Variants in FANCI observed in about 807,000 individuals in gnomAD.
FANCI encodes the protein FA complementation group I, also known as Fanconi anemia group I protein.
Under a neutral mutation model 176.1 loss-of-function variants are expected in FANCI, and 156 were observed. That is an observed-to-expected ratio of 0.89 (90% CI 0.78 to 1.01). FANCI has a LOEUF of 1.01. FANCI is among the 50% of genes least tolerant of loss of function. FANCI has a pLI of 0.00. For synonymous variants in FANCI, 613 were observed against 541.7 expected, an observed-to-expected ratio of 1.13 and a Z score of -1.83; for missense variants, 1,678 against 1,534.1, an observed-to-expected ratio of 1.09 and a Z score of -1.57.
chr15:89,275,795 T>C (rs533655081), intron 12 of FANCI, among the ~76,000 whole-genome samples: 1 of 152,234 alleles, frequency 6.6e-6, no homozygotes, highest in Non-Finnish European at 1.5e-5. Context: ...CTTGAAAGCA[T>C]CTCCATGTAT....
At chr15:89,264,099 C>T in intron 8 of FANCI, 73 bp downstream of exon 8, 2 of 1,559,428 alleles carry the variant, frequency 1.3e-6, no homozygotes, top group Non-Finnish European at 1.8e-6. Flanking sequence ...TATTCATACC[C>T]TTGGTTTATA....
chr15:89,292,211 T>A (rs1333635399), intron 20 of FANCI, among the ~76,000 whole-genome samples: 1 of 152,214 alleles, frequency 6.6e-6, no homozygotes, highest in Non-Finnish European at 1.5e-5. Flanking sequence ...AAGTGACTTA[T>A]AACTCATGGC....
intron 12 of FANCI, among the ~76,000 whole-genome samples, chr15:89,276,029 A>T (rs1040781816): frequency 6.6e-6 from 1 of 152,238 alleles, no homozygotes; most frequent in East Asian, 1.9e-4. Context: ...CTTATAATTT[A>T]TCCATAACTG....
intron 17 of FANCI, 79 bp from the exon 18 acceptor site, chr15:89,285,017 C>G (rs1416105493): frequency 2.1e-5 from 34 of 1,600,596 alleles, no homozygotes; most frequent in Admixed American, 1.5e-4. Context: ...TTTTTTCGAC[C>G]AAGAACATAG....
At chr15:89,290,125 T>C in intron 18 of FANCI, 88 bp from the exon 19 acceptor site, 1 of 1,067,836 alleles carries the variant, frequency 9.4e-7, no homozygotes, top group East Asian at 2.4e-5. Context: ...GAGAAGAGGA[T>C]AAAGAAAGTG....
At chr15:89,255,539 G>A (rs1464097781) in intron 2 of FANCI, among the ~76,000 whole-genome samples, 1 of 152,156 alleles carries the variant, frequency 6.6e-6, no homozygotes, top group Non-Finnish European at 1.5e-5. Flanking sequence ...TGGACATCAT[G>A]TGCTTCCTGA....
At chr15:89,308,958 A>AAG (rs2054842830) in intron 34 of FANCI, among the ~76,000 whole-genome samples, 1 of 150,886 alleles carries the variant, frequency 6.6e-6, no homozygotes. Flanking sequence ...AAAAAAAAAA[A>AAG]ATAAAGAATC....
At chr15:89,246,998 T>TG (rs1457410808) in intron 1 of FANCI, among the ~76,000 whole-genome samples, 30 of 151,590 alleles carry the variant, frequency 2.0e-4, no homozygotes, top group African/African-American at 6.8e-4. Context: ...CTCGATCTCC[T>TG]GACTTCGTGA....
chr15:89,261,114 GA>G (rs1156685673), intron 4 of FANCI, among the ~76,000 whole-genome samples: 1 of 151,676 alleles, frequency 6.6e-6, no homozygotes, highest in Non-Finnish European at 1.5e-5. Context: ...AAATACAAAA[GA>G]AAAAAAATTA....
chr15:89,249,455 C>T (rs1403726088), intron 2 of FANCI, among the ~76,000 whole-genome samples: 5 of 152,204 alleles, frequency 3.3e-5, no homozygotes, highest in African/African-American at 1.2e-4. Context: ...TCATGCGATC[C>T]TCCCACCTCA....
At chr15:89,314,056 C>T (rs915036855) in intron 35 of FANCI, among the ~76,000 whole-genome samples, 2 of 58,296 alleles carry the variant, frequency 3.4e-5, no homozygotes, top group Admixed American at 1.5e-4. Context: ...TATATAATCA[C>T]AGACACACAC....
At chr15:89,274,584 C>CCTTTT (rs1343506719) in intron 12 of FANCI, among the ~76,000 whole-genome samples, 5 of 139,262 alleles carry the variant, frequency 3.6e-5, no homozygotes, top group Non-Finnish European at 6.3e-5. Flanking sequence ...TCTCTATTTT[C>CCTTTT]CTTTTCTTTC....
chr15:89,301,002 T>C (rs2054506424), intron 26 of FANCI, among the ~76,000 whole-genome samples: 1 of 152,186 alleles, frequency 6.6e-6, no homozygotes, highest in Admixed American at 6.5e-5. Flanking sequence ...GTTTGGTGCC[T>C]TGTCTAAGCC....
At chr15:89,308,957 AAAT>A (rs1353319606) in intron 34 of FANCI, among the ~76,000 whole-genome samples, 19 of 151,588 alleles carry the variant, frequency 1.3e-4, no homozygotes, top group East Asian at 3.9e-4. Flanking sequence ...AAAAAAAAAA[AAAT>A]AAAGAATCAG....
Position 89,278,495 on chromosome 15 carries a change from ACTAATGAATCAT to A in FANCI, c.1294-187_1294-176del, listed in dbSNP as rs1182530866. Among the ~76,000 whole-genome samples the A allele has an allele frequency of 5.3e-5, 8 of 152,246 alleles. No homozygotes were observed. In the East Asian group the frequency reaches 1.2e-3, roughly 22 times the overall value. ...GGCTAATAAACATGGTATTTATCCTACTAATGAATCATCTAAGCACAGAACAAGGGGAAAGTT... is the reference window on the plus strand; with the variant it reads ...GGCTAATAAACATGGTATTTATCCTACTAAGCACAGAACAAGGGGAAAGTT... On this transcript the variant is annotated intron_variant, in intron 13 of 37. Coordinates refer to ENST00000310775, the MANE Select transcript of FANCI (RefSeq NM_001113378.2).
At chr15:89,261,799 T>C (rs371317348) in intron 5 of FANCI, 22 bp from the exon 6 acceptor site, 4 of 1,614,162 alleles carry the variant, frequency 2.5e-6, no homozygotes, top group Non-Finnish European at 3.4e-6. Flanking sequence ...AATTCATTGC[T>C]CAGTATATTT....
intron 35 of FANCI, among the ~76,000 whole-genome samples, chr15:89,313,812 AAAAT>A (rs1235054528): frequency 1.3e-5 from 2 of 152,170 alleles, no homozygotes; most frequent in Admixed American, 6.5e-5. Flanking sequence ...AGATATGAAA[AAAAT>A]AAACATCTAA....
intron 18 of FANCI, among the ~76,000 whole-genome samples, chr15:89,288,330 TC>T (rs200444503): frequency 1.3e-5 from 2 of 150,662 alleles, no homozygotes; most frequent in African/African-American, 4.9e-5. Context: ...ATATGCCCCT[TC>T]CCCCCCAAAA....
rs753750358 is a variant in FANCI at position 89,285,085 on chromosome 15, C to T, written c.1699-11C>T. 26 of 1,613,862 alleles carry T rather than the reference C, an allele frequency of 1.6e-5. No homozygotes were observed. Among genetic ancestry groups the T allele is most frequent in the Non-Finnish European group, 2.1e-5 (25 of 1,179,926 alleles). Reference sequence around the variant, plus strand: ...GTAAGATAGACGTGAATTGGCCTGTCTTCCTTTCAGGTTCATGTGGATGTT... The same window carrying T: ...GTAAGATAGACGTGAATTGGCCTGTTTTCCTTTCAGGTTCATGTGGATGTT... On this transcript the variant is annotated splice_polypyrimidine_tract_variant and intron_variant, in intron 17 of 37. Transcript: ENST00000310775.
Sources: allele counts gnomAD v4.1 joint callset (sites outside exome capture counted in the v4.1 genomes callset), GRCh38; gene constraint gnomAD v4.1.1; transcripts MANE v1.5; gene names NCBI Gene and HGNC (gene_info 2026-07-23, HGNC 2026-07-21).